The following VAT1L variants were observed in gnomAD, a reference collection of about 807,000 sequenced individuals.
The protein encoded by VAT1L is vesicle amine transport 1 like, also known as putative NADPH-dependent quinone oxidoreductase VAT1L.
VAT1L carries 34 observed loss-of-function variants against 44.1 expected under a neutral mutation model. The observed-to-expected ratio is 0.77, with a 90% CI of 0.59 to 1.03. The LOEUF (loss-of-function observed/expected upper bound fraction) is 1.03, where lower values mean the gene tolerates loss of function less well. Ranked by LOEUF, VAT1L falls within the 50% of genes least tolerant of loss-of-function variation. The pLI is 0.00. For synonymous variants in VAT1L, 253 were observed against 202.2 expected (o/e 1.25, Z -2.13); for missense variants, 615 against 538.8 (o/e 1.14, Z -1.40).
chr16:77,835,193 C>G (rs2016626058), intron 3 of VAT1L, among the ~76,000 whole-genome samples: 2 of 152,222 alleles, frequency 1.3e-5, no homozygotes, highest in Middle Eastern at 6.8e-3. Flanking sequence ...TTTCTATATT[C>G]TAGAAGAGTT....
intron 7 of VAT1L, among the ~76,000 whole-genome samples, chr16:77,927,074 C>G (rs575929467): frequency 6.6e-6 from 1 of 151,946 alleles, no homozygotes; most frequent in South Asian, 2.1e-4. Context: ...CGCGGTGGCT[C>G]ACGCCTGTAA....
At chr16:77,841,615 T>C (rs1353211205) in intron 3 of VAT1L, among the ~76,000 whole-genome samples, 1 of 152,208 alleles carries the variant, frequency 6.6e-6, no homozygotes, top group East Asian at 1.9e-4. Context: ...AGCTGACAAT[T>C]CCATCACCCT....
At chr16:77,931,709 T>G (rs1033783905) in intron 7 of VAT1L, among the ~76,000 whole-genome samples, 1 of 152,242 alleles carries the variant, frequency 6.6e-6, no homozygotes, top group African/African-American at 2.4e-5. Context: ...TGTAGTGATA[T>G]CTTATAAGCC....
rs1329768235 is a variant in VAT1L, at chr16:77,817,145, G to A, written c.363+95G>A. ...GAAAGAAATGTCTGAAATAACCTAT[G>A]GCGTGCATTATTATCATTGTCTTCT... On this transcript the variant is annotated intron_variant, in intron 2 of 8. Coordinates refer to ENST00000302536, the MANE Select transcript of VAT1L (RefSeq NM_020927.3). 6.7e-6 allele frequency: 10 copies of A among 1,498,804 alleles called. No individual in the cohort carries two copies. In the East Asian group the frequency reaches 2.3e-4, roughly 35 times the overall value. 92.8% of individuals were successfully genotyped at this position (1,498,804 alleles called of 1,614,324 possible). A position where few individuals can be genotyped will look rare whatever the true frequency, so the allele number is the denominator to read the frequency against.
chr16:77,918,248 G>A (rs577304513), intron 7 of VAT1L, among the ~76,000 whole-genome samples: 1 of 152,268 alleles, frequency 6.6e-6, no homozygotes, highest in East Asian at 1.9e-4. Flanking sequence ...GTGATACAGT[G>A]AGCCCAATAA....
chr16:77,819,800 C>G (rs752529277), intron 2 of VAT1L, among the ~76,000 whole-genome samples: 1 of 152,218 alleles, frequency 6.6e-6, no homozygotes, highest in East Asian at 1.9e-4. Flanking sequence ...AGCTGTTCCT[C>G]CTGCTTTCTG....
intron 1 of VAT1L, among the ~76,000 whole-genome samples, chr16:77,789,247 A>T (rs764147152): frequency 3.9e-5 from 6 of 152,294 alleles, no homozygotes; most frequent in Non-Finnish European, 7.4e-5. Flanking sequence ...GGGAGGGTTG[A>T]TGCTTAACAG....
chr16:77,799,105 CT>C (rs1419533525), intron 1 of VAT1L, among the ~76,000 whole-genome samples: 3 of 152,132 alleles, frequency 2.0e-5, no homozygotes, highest in Admixed American at 6.5e-5. Flanking sequence ...GCAAAGAGAA[CT>C]TTTTTCTCCC....
chr16:77,805,888 A>G (rs563818080), intron 1 of VAT1L, among the ~76,000 whole-genome samples: 55 of 25,160 alleles, frequency 2.2e-3, no homozygotes, highest in Non-Finnish European at 8.1e-3. Context: ...TTTGAGATGG[A>G]GTCTTGCCCT....
At chr16:77,953,050 G>A (rs893202245) in intron 7 of VAT1L, among the ~76,000 whole-genome samples, 3 of 152,006 alleles carry the variant, frequency 2.0e-5, no homozygotes, top group African/African-American at 4.8e-5. Flanking sequence ...CCAACATGGT[G>A]TACTTGTAAG....
intron 1 of VAT1L, among the ~76,000 whole-genome samples, chr16:77,803,078 C>A (rs182039705): frequency 2.0e-5 from 3 of 152,148 alleles, no homozygotes; most frequent in Non-Finnish European, 4.4e-5. Context: ...TTTAATGTGC[C>A]CTGTGCTAAG....
chr16:77,926,627 G>T (rs891290415), intron 7 of VAT1L, among the ~76,000 whole-genome samples: 2 of 152,120 alleles, frequency 1.3e-5, no homozygotes, highest in Non-Finnish European at 2.9e-5. Context: ...TACGGTGGTT[G>T]ATTAAGGACA....
intron 7 of VAT1L, among the ~76,000 whole-genome samples, chr16:77,926,272 A>G (rs568936334): frequency 6.6e-6 from 1 of 151,182 alleles, no homozygotes; most frequent in African/African-American, 2.4e-5. Context: ...AAAAAAAAAA[A>G]AAAAATAGGA....
intron 4 of VAT1L, among the ~76,000 whole-genome samples, chr16:77,866,198 T>G (rs2016972407): frequency 6.6e-6 from 1 of 152,252 alleles, no homozygotes; most frequent in Admixed American, 6.5e-5. Flanking sequence ...CAAACCCTGC[T>G]TCTGCTTCAT....
chr16:77,842,308 G>T (rs1001443124), intron 3 of VAT1L, among the ~76,000 whole-genome samples: 1 of 152,172 alleles, frequency 6.6e-6, no homozygotes, highest in Non-Finnish European at 1.5e-5. Flanking sequence ...CTATAGATGG[G>T]TGCCCACTCA....
chr16:77,961,345 AG>A (rs2018158111), intron 7 of VAT1L, among the ~76,000 whole-genome samples: 1 of 152,064 alleles, frequency 6.6e-6, no homozygotes, highest in African/African-American at 2.4e-5. Flanking sequence ...ACCGGGTTCA[AG>A]GGCTTCCTTC....
intron 7 of VAT1L, among the ~76,000 whole-genome samples, chr16:77,908,828 G>T (rs149348564): frequency 2.6e-5 from 4 of 151,808 alleles, no homozygotes; most frequent in Admixed American, 2.0e-4. Flanking sequence ...GCAGGAGCAC[G>T]GCGTGAACCC....
At chr16:77,825,496 G>T (rs1334085592) in intron 3 of VAT1L, 35 bp downstream of exon 3, 7 of 1,550,956 alleles carry the variant, frequency 4.5e-6, no homozygotes, top group Non-Finnish European at 6.1e-6. Context: ...CTTCTTTAAG[G>T]TCATGATGGT....
intron 1 of VAT1L, among the ~76,000 whole-genome samples, chr16:77,797,009 G>A (rs1490165546): frequency 6.6e-6 from 1 of 152,114 alleles, no homozygotes; most frequent in Non-Finnish European, 1.5e-5. Context: ...GTTGAAAATT[G>A]CCTAATGGTA....
Sources: allele counts gnomAD v4.1 joint callset (sites outside exome capture counted in the v4.1 genomes callset), GRCh38; gene constraint gnomAD v4.1.1; transcripts MANE v1.5; gene names NCBI Gene and HGNC (gene_info 2026-07-23, HGNC 2026-07-21).